DPF3: variants seen among roughly 807,000 people sequenced by gnomAD.
The protein encoded by DPF3 is double PHD fingers 3.
DPF3 carries 18 observed loss-of-function variants against 56.8 expected under a neutral mutation model. That is an observed-to-expected ratio of 0.32 (90% confidence interval 0.22 to 0.47). DPF3 has a LOEUF of 0.47. Ranked by LOEUF, DPF3 falls within the 20% of genes least tolerant of loss-of-function variation. The pLI, the probability that DPF3 is intolerant of heterozygous loss-of-function variation, is 1.00. For synonymous variants in DPF3, 188 were observed against 180.2 expected (o/e 1.04, Z -0.35); for missense variants, 403 against 488.8 (o/e 0.82, Z 1.65).
In DPF3 at chr14:72,619,317, C is replaced by A; in HGVS notation, c.1117G>T (p.Ala373Ser). ...GGGCCCTAGGCCTGGCAGCCAAAGG[C>A]TGAGGCTTTCTCTTTGAGCAGTTCC... ...CWELLKEKAS[A>S]FGCQA The change falls in exon 11 of 11, where the codon GCC becomes TCC. Residue 373 changes from alanine to serine, a missense_variant. Around this residue, in one of 2 missense-constraint regions of DPF3, gnomAD observed 63 missense variants for 114.4 expected, o/e 0.55. Coordinates refer to ENST00000556509, the MANE Select transcript of DPF3 (RefSeq NM_001280542.3). 1 of 1,536,140 alleles carries A rather than the reference C, an allele frequency of 6.5e-7. No homozygotes were observed. Among genetic ancestry groups the A allele is most frequent in the South Asian group, 1.2e-5 (1 of 84,060 alleles).
At chr14:72,662,637 G>T in intron 8 of DPF3, 1 of 985,400 alleles carries the variant, frequency 1.0e-6, no homozygotes, top group Non-Finnish European at 1.2e-6. Flanking sequence ...TGTGGGCTGA[G>T]CTGAGTTGCG....
At chr14:72,739,185 T>C (rs960518865) in intron 3 of DPF3, among the ~76,000 whole-genome samples, 6 of 150,714 alleles carry the variant, frequency 4.0e-5, no homozygotes, top group Non-Finnish European at 8.8e-5. Flanking sequence ...GAGGTTGCAG[T>C]GAGCCAAGAT....
intron 1 of DPF3, among the ~76,000 whole-genome samples, chr14:72,804,932 C>T (rs374262215): frequency 6.6e-6 from 1 of 152,020 alleles, no homozygotes; most frequent in African/African-American, 2.4e-5. Context: ...GTATGTGTTC[C>T]CTATCTGCCA....
chr14:72,670,342 A>T, intron 8 of DPF3: 1 of 986,400 alleles, frequency 1.0e-6, no homozygotes, highest in Non-Finnish European at 1.2e-6. Context: ...CAGCAATAAC[A>T]AAACAGCAGC....
At chr14:72,665,977 A>C (rs963071941) in intron 8 of DPF3, among the ~76,000 whole-genome samples, 2 of 152,208 alleles carry the variant, frequency 1.3e-5, no homozygotes, top group African/African-American at 4.8e-5. Context: ...CTAATTGCCA[A>C]TGTTTTTTAT....
intron 9 of DPF3, among the ~76,000 whole-genome samples, chr14:72,628,987 T>C (rs1246546711): frequency 6.6e-6 from 1 of 152,164 alleles, no homozygotes; most frequent in African/African-American, 2.4e-5. Flanking sequence ...CTAATTGCAA[T>C]GTATGGGCCT....
chr14:72,847,745 C>G (rs1363193049), intron 1 of DPF3, among the ~76,000 whole-genome samples: 2 of 152,192 alleles, frequency 1.3e-5, no homozygotes, highest in Non-Finnish European at 2.9e-5. Flanking sequence ...CTCCTGACCT[C>G]AGGTGATCCA....
At chr14:72,856,771 A>C (rs1184488095) in intron 1 of DPF3, among the ~76,000 whole-genome samples, 1 of 152,204 alleles carries the variant, frequency 6.6e-6, no homozygotes, top group Non-Finnish European at 1.5e-5. Flanking sequence ...GAGGACAGGC[A>C]GATGGCCTTT....
chr14:72,685,084 G>T (rs4903047), intron 7 of DPF3, among the ~76,000 whole-genome samples: 75,279 of 152,078 alleles, frequency 0.5, 19,761 homozygotes, highest in East Asian at 0.94. Context: ...AATAAATTCC[G>T]GTTGTTTAAG....
At chr14:72,792,413 A>T (rs1275072362) in intron 1 of DPF3, among the ~76,000 whole-genome samples, 2 of 150,130 alleles carry the variant, frequency 1.3e-5, no homozygotes, top group Non-Finnish European at 2.9e-5. Context: ...GCAATGGCAA[A>T]AAAAGAAAAG....
chr14:72,787,720 G>A (rs1892266699), intron 1 of DPF3, among the ~76,000 whole-genome samples: 1 of 152,144 alleles, frequency 6.6e-6, no homozygotes, highest in Non-Finnish European at 1.5e-5. Flanking sequence ...GTTTGTGGTG[G>A]GAGTGAGGTG....
intron 1 of DPF3, among the ~76,000 whole-genome samples, chr14:72,790,823 C>A (rs563800865): frequency 6.6e-6 from 1 of 152,282 alleles, no homozygotes; most frequent in South Asian, 2.1e-4. Context: ...AGAGCCCCAT[C>A]GCCTCTTTCT....
intron 1 of DPF3, among the ~76,000 whole-genome samples, chr14:72,866,493 G>T (rs1444517414): frequency 6.6e-6 from 1 of 150,622 alleles, no homozygotes; most frequent in Non-Finnish European, 1.5e-5. Context: ...ACCCGCCTCT[G>T]CTCCATCGAT....
At position 72,805,719 on chromosome 14, in the gene DPF3, G is replaced by A. The variant is rs1300440506; in HGVS notation, c.33-33826C>T. ...AAATTAGTTGGACATTGTAATGGGCGCCTGTAATCTCAGCTACTTGGGAGG... is the reference window on the plus strand; with the variant it reads ...AAATTAGTTGGACATTGTAATGGGCACCTGTAATCTCAGCTACTTGGGAGG... On this transcript the variant is annotated intron_variant, in intron 1 of 10. Coordinates refer to ENST00000556509, the MANE Select transcript of DPF3 (RefSeq NM_001280542.3). Among the ~76,000 whole-genome samples the A allele has an allele frequency of 3.3e-5, 5 of 152,272 alleles. No homozygotes were observed. The East Asian group carries it at 5.8e-4, about 18-fold the overall frequency.
chr14:72,782,050 G>C (rs1424100436), intron 1 of DPF3, among the ~76,000 whole-genome samples: 2 of 152,120 alleles, frequency 1.3e-5, no homozygotes, highest in Non-Finnish European at 2.9e-5. Flanking sequence ...ATCGCCTATA[G>C]AAGCAGACTA....
intron 8 of DPF3, chr14:72,671,152 T>C (rs757926459): frequency 1.2e-6 from 2 of 1,613,916 alleles, no homozygotes; most frequent in South Asian, 1.1e-5. Flanking sequence ...ACTGCCCTTT[T>C]TATCTGCTGT....
chr14:72,689,434 G>A (rs556748730), intron 7 of DPF3, among the ~76,000 whole-genome samples: 7 of 152,186 alleles, frequency 4.6e-5, no homozygotes, highest in Admixed American at 1.3e-4. Flanking sequence ...TGGGGGAGCC[G>A]CAGATTAGCC....
chr14:72,815,093 G>A (rs1483418106), intron 1 of DPF3, among the ~76,000 whole-genome samples: 1 of 152,040 alleles, frequency 6.6e-6, no homozygotes, highest in Non-Finnish European at 1.5e-5. Context: ...ATCTGATAAA[G>A]GATGTTTAGT....
chr14:72,822,717 T>C (rs568635862), intron 1 of DPF3, among the ~76,000 whole-genome samples: 110 of 151,636 alleles, frequency 7.3e-4, no homozygotes, highest in African/African-American at 2.5e-3. Context: ...AAAACACAGA[T>C]TTTTTTTTAG....
Sources: gnomAD v4.1 joint callset for allele counts (sites outside exome capture counted in the v4.1 genomes callset) on GRCh38, gnomAD v4.1.1 for gene constraint, gnomAD v4.1.1 regional missense constraint, MANE v1.5 for transcripts, NCBI Gene and HGNC (gene_info 2026-07-23, HGNC 2026-07-21) for gene names.